EPB41L4B: variants seen among roughly 807,000 people sequenced by gnomAD.
The protein encoded by EPB41L4B is band 4.1-like protein 4B.
In EPB41L4B, 30 loss-of-function variants were observed where a neutral mutation model predicts 112.5. The ratio of observed to expected loss-of-function variants is 0.27; its 90% CI spans 0.20 to 0.36. EPB41L4B has a LOEUF of 0.36. EPB41L4B is among the 10% of genes least tolerant of loss of function. EPB41L4B has a pLI of 1.00. For missense variants in EPB41L4B, 1,024 were observed against 1,133.3 expected (o/e 0.90, Z 1.38); for synonymous variants, 408 against 439.7 (o/e 0.93, Z 0.90).
chr9:109,276,090 A>T (rs1835806942), intron 2 of EPB41L4B, among the ~76,000 whole-genome samples: 2 of 148,146 alleles, frequency 1.4e-5, no homozygotes, highest in South Asian at 4.2e-4. Context: ...ATACATATAT[A>T]TTATATATGT....
At chr9:109,270,444 T>C (rs1336173043) in intron 2 of EPB41L4B, among the ~76,000 whole-genome samples, 3 of 152,220 alleles carry the variant, frequency 2.0e-5, no homozygotes, top group Non-Finnish European at 4.4e-5. Context: ...ATTCATTTGT[T>C]GTTTTATGAG....
Position 109,172,566 on chromosome 9 carries a change from A to G in EPB41L4B, c.*1988T>C, listed in dbSNP as rs1376557755. On this transcript the variant is annotated 3_prime_UTR_variant, in exon 26 of 26. Coordinates refer to ENST00000374566, the MANE Select transcript of EPB41L4B (RefSeq NM_019114.5). ...CCTATAAAAGGCCAAGCCAAGCCCT[A>G]CACATATTGATAGCTCTTAATGATA... The G allele has an allele frequency of 6.6e-6, 1 of 152,204 alleles. No individual in the cohort carries two copies. The highest frequency in any genetic ancestry group is 1.5e-5 in the Non-Finnish European group (1 of 68,048). The allele number at this position is 152,204 out of a possible 1,614,324, so 9.4% of individuals were successfully genotyped here. A position where few individuals can be genotyped will look rare whatever the true frequency, so the allele number is the denominator to read the frequency against.
chr9:109,298,129 T>C (rs1234419361), intron 1 of EPB41L4B, among the ~76,000 whole-genome samples: 2 of 151,892 alleles, frequency 1.3e-5, no homozygotes, highest in Non-Finnish European at 2.9e-5. Context: ...AAAAGAAAGG[T>C]GTGATGCTGA....
chr9:109,286,108 C>T (rs970412807), intron 1 of EPB41L4B, among the ~76,000 whole-genome samples: 1 of 144,332 alleles, frequency 6.9e-6, no homozygotes, highest in Non-Finnish European at 1.5e-5. Flanking sequence ...TGGCACACAG[C>T]AGGCGCTCCA....
At chr9:109,253,888 T>C (rs1439108775) in intron 11 of EPB41L4B, among the ~76,000 whole-genome samples, 1 of 152,224 alleles carries the variant, frequency 6.6e-6, no homozygotes, top group Non-Finnish European at 1.5e-5. Flanking sequence ...ACACACTGCA[T>C]AGACATTTAA....
intron 1 of EPB41L4B, among the ~76,000 whole-genome samples, chr9:109,317,095 C>T (rs1278749683): frequency 6.6e-6 from 1 of 152,032 alleles, no homozygotes; most frequent in Non-Finnish European, 1.5e-5. Context: ...ACAGATGAGA[C>T]CCCATATCCA....
At position 109,226,726 on chromosome 9, in the gene EPB41L4B, G is replaced by GAA. The variant is rs202177186; in HGVS notation, c.1410-9582_1410-9581insTT. Among the ~76,000 whole-genome samples, 1,074 of 119,710 alleles carry GAA rather than the reference G, an allele frequency of 9.0e-3. 19 individuals carry two copies. The highest frequency in any genetic ancestry group is 0.032 in the African/African-American group (1,032 of 31,758). 78.5% of individuals were successfully genotyped at this position (119,710 alleles called of 152,430 possible). ...TATATATGAAGAATATATATATGAA[G>GAA]TATATATATGAAGAATATATATATG... On this transcript the variant is annotated intron_variant, in intron 15 of 25. Transcript: ENST00000374566.
In EPB41L4B at chr9:109,243,790, A is replaced by G. The variant is rs1834439872; in HGVS notation, c.1345-108T>C. ...CACCCGAGGGGCTGGGGGACTAAGA[A>G]TGGAAAGGCTATAGACCCTGGCTAG... On this transcript the variant is annotated intron_variant, in intron 14 of 25. Transcript: ENST00000374566. 3.8e-6 allele frequency: 4 copies of G among 1,065,938 alleles called. No individual in the cohort carries two copies. In the Admixed American group the frequency reaches 7.5e-5, roughly 20 times the overall value. 66.0% of individuals were successfully genotyped at this position (1,065,938 alleles called of 1,614,324 possible). A position where few individuals can be genotyped will look rare whatever the true frequency, so the allele number is the denominator to read the frequency against.
At chr9:109,295,315 A>G (rs977863121) in intron 1 of EPB41L4B, among the ~76,000 whole-genome samples, 3 of 152,172 alleles carry the variant, frequency 2.0e-5, no homozygotes, top group Non-Finnish European at 2.9e-5. Flanking sequence ...AATTTTATGT[A>G]AACAATATTT....
intron 1 of EPB41L4B, among the ~76,000 whole-genome samples, chr9:109,296,814 A>C (rs1836747004): frequency 6.6e-6 from 1 of 150,828 alleles, no homozygotes; most frequent in Non-Finnish European, 1.5e-5. Context: ...GTTTGAGCCC[A>C]GGAGTTTGAG....
intron 15 of EPB41L4B, among the ~76,000 whole-genome samples, chr9:109,222,063 A>G (rs772649020): frequency 7.9e-5 from 12 of 152,186 alleles, no homozygotes; most frequent in Admixed American, 6.5e-4. Flanking sequence ...AGTGGTATTT[A>G]AAACTTTTTT....
At chr9:109,239,241 G>T (rs1834267005) in intron 15 of EPB41L4B, among the ~76,000 whole-genome samples, 1 of 152,184 alleles carries the variant, frequency 6.6e-6, no homozygotes, top group South Asian at 2.1e-4. Context: ...GTTTGGATAT[G>T]GGTGGCGACA....
At chr9:109,320,030 G>T in intron 1 of EPB41L4B, 111 bp downstream of exon 1, 1 of 845,154 alleles carries the variant, frequency 1.2e-6, no homozygotes, top group Non-Finnish European at 1.6e-6. Context: ...GATGGGGGAG[G>T]GGATCCCCAG....
chr9:109,272,209 C>G (rs1835649821), intron 2 of EPB41L4B, among the ~76,000 whole-genome samples: 1 of 152,120 alleles, frequency 6.6e-6, no homozygotes, highest in South Asian at 2.1e-4. Context: ...GTAATCTCAA[C>G]AATTTGAGAG....
Position 109,258,222 on chromosome 9 carries a change from G to A in EPB41L4B, c.707C>T (p.Thr236Ile). Residue 236 changes from threonine to isoleucine, a missense_variant, in exon 7 of 26, where the codon ACA becomes ATA. Transcript: ENST00000374566. ...VSEFRFIPNQTEAMEFDIFQR... is the reference protein window; with the variant it reads ...VSEFRFIPNQIEAMEFDIFQR... ...GAAGATATCAAATTCCATTGCTTCT[G>A]TCTGATTTGGAATGAACCGAAACTC... 6.2e-7 allele frequency: 1 copy of A among 1,614,016 alleles called. No individual in the cohort carries two copies. Among genetic ancestry groups the A allele is most frequent in the East Asian group, 2.2e-5 (1 of 44,886 alleles).
At chr9:109,260,962 A>C (rs1297652410) in intron 6 of EPB41L4B, among the ~76,000 whole-genome samples, 2 of 152,188 alleles carry the variant, frequency 1.3e-5, no homozygotes, top group Non-Finnish European at 2.9e-5. Context: ...CAATGGCTTT[A>C]GGAGGAAACC....
chr9:109,176,939 T>C (rs948922741), intron 24 of EPB41L4B, among the ~76,000 whole-genome samples: 3 of 152,220 alleles, frequency 2.0e-5, no homozygotes, highest in Non-Finnish European at 4.4e-5. Context: ...CCATCAGTTG[T>C]AAGATGCACC....
chr9:109,286,129 T>C (rs1437558800), intron 1 of EPB41L4B, among the ~76,000 whole-genome samples: 1 of 140,824 alleles, frequency 7.1e-6, no homozygotes, highest in Non-Finnish European at 1.5e-5. Flanking sequence ...TAAATGACTA[T>C]TATATGCAGG....
intron 15 of EPB41L4B, among the ~76,000 whole-genome samples, chr9:109,237,706 G>A (rs1289970120): frequency 6.6e-6 from 1 of 152,120 alleles, no homozygotes; most frequent in African/African-American, 2.4e-5. Context: ...ACAGTAAACA[G>A]CGTTATTAGA....
Sources: allele counts gnomAD v4.1 joint callset (sites outside exome capture counted in the v4.1 genomes callset), GRCh38; gene constraint gnomAD v4.1.1; transcripts MANE v1.5; gene names NCBI Gene and HGNC (gene_info 2026-07-23, HGNC 2026-07-21).